Variants in C9orf85 observed in about 807,000 individuals in gnomAD.
C9orf85 encodes chromosome 9 open reading frame 85, also known as uncharacterized protein C9orf85.
In C9orf85, 16 loss-of-function variants were observed where a neutral mutation model predicts 14.9. The observed-to-expected ratio is 1.08, with a 90% CI of 0.73 to 1.63. The LOEUF is 1.63. Ranked by LOEUF, C9orf85 falls within the 40% of genes most tolerant of loss-of-function variation. C9orf85 has a pLI of 0.00. For synonymous variants in C9orf85, 45 were observed against 56.8 expected, an observed-to-expected ratio of 0.79 and a Z score of 0.93; for missense variants, 172 against 186.1, an observed-to-expected ratio of 0.92 and a Z score of 0.44.
intron 1 of C9orf85, among the ~76,000 whole-genome samples, chr9:71,942,230 T>C (rs1314837349): frequency 6.6e-6 from 1 of 152,244 alleles, no homozygotes; most frequent in African/African-American, 2.4e-5. Flanking sequence ...AAAACAGTTC[T>C]GTGAAATGCT....
rs546363846 is a variant in C9orf85, at chr9:71,972,927, T to G, written c.*85T>G. On this transcript the variant is annotated 3_prime_UTR_variant, in exon 4 of 4. Coordinates refer to ENST00000334731, the MANE Select transcript of C9orf85 (RefSeq NM_182505.5). Reference sequence around the variant, plus strand: ...GGGAGGCCAAGGAGGGTGGATCACCTGAGGTCAGGAGTTCGAGACCAGCCT... The same window carrying G: ...GGGAGGCCAAGGAGGGTGGATCACCGGAGGTCAGGAGTTCGAGACCAGCCT... 4.3e-6 allele frequency: 5 copies of G among 1,158,218 alleles called. No homozygotes were observed. In the East Asian group the frequency reaches 1.2e-4, roughly 27 times the overall value. 71.7% of individuals were successfully genotyped at this position (1,158,218 alleles called of 1,614,324 possible).
At chr9:71,931,766 G>C (rs1417679646) in intron 1 of C9orf85, among the ~76,000 whole-genome samples, 1 of 152,178 alleles carries the variant, frequency 6.6e-6, no homozygotes, top group Non-Finnish European at 1.5e-5. Flanking sequence ...ACTTGTCAGC[G>C]ATTTATTATT....
chr9:71,952,530 A>G (rs1039174367), intron 2 of C9orf85, among the ~76,000 whole-genome samples: 5 of 151,968 alleles, frequency 3.3e-5, no homozygotes, highest in African/African-American at 1.2e-4. Context: ...ACACCCGGCT[A>G]ATTTTTTTTG....
At chr9:71,978,373 G>T (rs539466910), downstream of C9orf85, among the ~76,000 whole-genome samples, 239 of 152,294 alleles carry the variant, frequency 1.6e-3, 2 homozygotes, top group African/African-American at 5.4e-3. Flanking sequence ...GCCTCCCAAA[G>T]TGCTGAGATT....
chr9:71,940,053 A>AT (rs1355108469), intron 1 of C9orf85, among the ~76,000 whole-genome samples: 1 of 152,094 alleles, frequency 6.6e-6, no homozygotes, highest in Non-Finnish European at 1.5e-5. Flanking sequence ...AAATTGATAA[A>AT]TTGTTCTTTG....
At chr9:71,918,054 C>G (rs10746894) in intron 1 of C9orf85, among the ~76,000 whole-genome samples, 142,413 of 152,096 alleles carry the variant, frequency 0.94, 67,315 homozygotes, top group East Asian at 1. Flanking sequence ...GTGGTGGTGG[C>G]CGCCTGTAAT....
intron 2 of C9orf85, among the ~76,000 whole-genome samples, chr9:71,955,948 C>T (rs914928841): frequency 6.6e-6 from 1 of 152,090 alleles, no homozygotes; most frequent in Admixed American, 6.5e-5. Context: ...ATGTTTTAAC[C>T]ACTTTGACTT....
At chr9:71,931,441 T>G (rs1384630362) in intron 1 of C9orf85, among the ~76,000 whole-genome samples, 2 of 152,248 alleles carry the variant, frequency 1.3e-5, no homozygotes, top group African/African-American at 2.4e-5. Context: ...AGTCACTTGT[T>G]TGGAGCTCAG....
At chr9:71,963,934 C>T (rs916393526) in intron 2 of C9orf85, among the ~76,000 whole-genome samples, 3 of 152,186 alleles carry the variant, frequency 2.0e-5, no homozygotes, top group African/African-American at 2.4e-5. Flanking sequence ...GCGCACGGCA[C>T]GGGACTGGCA....
intron 2 of C9orf85, among the ~76,000 whole-genome samples, chr9:71,950,649 C>T (rs1266831117): frequency 6.6e-6 from 1 of 152,178 alleles, no homozygotes; most frequent in Admixed American, 6.5e-5. Context: ...GAATTATAGG[C>T]ATGAGTCACC....
chr9:71,974,225 C>A (rs367874468), downstream of C9orf85, among the ~76,000 whole-genome samples: 155 of 146,124 alleles, frequency 1.1e-3, 5 homozygotes, highest in South Asian at 0.029. Context: ...CCATGCCAGG[C>A]CATATTTTTT....
At chr9:71,970,184 G>A (rs1822821312) in intron 2 of C9orf85, among the ~76,000 whole-genome samples, 1 of 152,102 alleles carries the variant, frequency 6.6e-6, no homozygotes, top group Admixed American at 6.6e-5. Flanking sequence ...CTGACCTCAG[G>A]TGATCCACCC....
chr9:71,979,664 C>A (rs1823061074), intron 3 of C9orf85, among the ~76,000 whole-genome samples: 1 of 152,134 alleles, frequency 6.6e-6, no homozygotes, highest in Admixed American at 6.5e-5. Context: ...AGTGCAATAG[C>A]AAGCTTTAGA....
At chr9:71,966,335 A>G (rs1029432276) in intron 2 of C9orf85, among the ~76,000 whole-genome samples, 1 of 151,554 alleles carries the variant, frequency 6.6e-6, no homozygotes, top group Admixed American at 6.6e-5. Context: ...TAACATGTGT[A>G]TTCCATAAAG....
chr9:71,926,626 C>A (rs1827934782), intron 1 of C9orf85, among the ~76,000 whole-genome samples: 1 of 105,192 alleles, frequency 9.5e-6, no homozygotes, highest in Non-Finnish European at 1.9e-5. Flanking sequence ...CCAGCAAACA[C>A]TGCTGTTGAA....
At chr9:71,975,304 T>G (rs1374171185), downstream of C9orf85, among the ~76,000 whole-genome samples, 1 of 151,252 alleles carries the variant, frequency 6.6e-6, no homozygotes, top group Non-Finnish European at 1.5e-5. Context: ...ACTAGCCGGG[T>G]GTGGTAGGTG....
In C9orf85 at chr9:71,928,186, C is replaced by CAAA. The variant is rs58238164; in HGVS notation, c.102+16377_102+16379dup. Among the ~76,000 whole-genome samples the CAAA allele has an allele frequency of 4.3e-4, 32 of 74,282 alleles. 3 individuals are homozygous for CAAA. Among genetic ancestry groups the CAAA allele is most frequent in the African/African-American group, 1.7e-3 (30 of 17,906 alleles). 48.7% of individuals were successfully genotyped at this position (74,282 alleles called of 152,430 possible). On this transcript the variant is annotated intron_variant, in intron 1 of 3. Coordinates refer to ENST00000334731, the MANE Select transcript of C9orf85 (RefSeq NM_182505.5). ...TGGGCAACAGAATGAGGCTCTGTCT[C>CAAA]AAAAAAAAAAAAAAAAAAAAAAAAA... is the stretch of plus-strand genomic sequence containing the variant.
chr9:71,945,335 G>A (rs1046878794), intron 1 of C9orf85, among the ~76,000 whole-genome samples: 5 of 152,162 alleles, frequency 3.3e-5, no homozygotes, highest in Admixed American at 6.5e-5. Flanking sequence ...TTGGTGTGTA[G>A]GCACAGATTT....
intron 2 of C9orf85, among the ~76,000 whole-genome samples, chr9:71,964,917 A>G (rs955907260): frequency 2.0e-5 from 3 of 152,220 alleles, no homozygotes; most frequent in Non-Finnish European, 2.9e-5. Flanking sequence ...TTAGCCGTGC[A>G]GGAACAATGG....
Sources: allele counts gnomAD v4.1 joint callset (sites outside exome capture counted in the v4.1 genomes callset), GRCh38; gene constraint gnomAD v4.1.1; transcripts MANE v1.5; gene names NCBI Gene and HGNC (gene_info 2026-07-23, HGNC 2026-07-21).